The following CNTN5 variants were observed in gnomAD, a reference collection of about 807,000 sequenced individuals.
CNTN5 encodes the protein contactin 5, also known as contactin-5.
A neutral mutation model predicts 129.1 loss-of-function variants in CNTN5; 77 were observed. The observed-to-expected ratio is 0.60, with a 90% CI of 0.50 to 0.72. The LOEUF (loss-of-function observed/expected upper bound fraction) is 0.72. Among genes scored for constraint, CNTN5 ranks in the 30% least tolerant of loss-of-function variants. The probability of loss-of-function intolerance (pLI) is 0.00; values close to 1 mark genes in which losing one functional copy is unlikely to be tolerated. For missense variants in CNTN5, 1,478 were observed against 1,328.8 expected, an observed-to-expected ratio of 1.11 and a Z score of -1.75; for synonymous variants, 509 against 465.6, an observed-to-expected ratio of 1.09 and a Z score of -1.20.
At chr11:99,392,674 A>G (rs1194430322) in intron 2 of CNTN5, among the ~76,000 whole-genome samples, 1 of 151,918 alleles carries the variant, frequency 6.6e-6, no homozygotes, top group East Asian at 1.9e-4. Context: ...CAATCCAGAG[A>G]CCACCTAAAA....
chr11:99,880,547 T>G (rs1180828739), intron 6 of CNTN5, among the ~76,000 whole-genome samples: 2 of 152,158 alleles, frequency 1.3e-5, no homozygotes, highest in Non-Finnish European at 2.9e-5. Flanking sequence ...AATCCTTATT[T>G]CATGCCACAA....
intron 2 of CNTN5, among the ~76,000 whole-genome samples, chr11:99,508,333 T>A (rs1214318021): frequency 6.6e-6 from 1 of 152,220 alleles, no homozygotes; most frequent in Non-Finnish European, 1.5e-5. Context: ...TGGGTAATAT[T>A]TTAAAATATT....
intron 2 of CNTN5, among the ~76,000 whole-genome samples, chr11:99,508,686 C>CTTTCTTTT (rs11281160): frequency 2.0e-5 from 3 of 146,860 alleles, no homozygotes; most frequent in South Asian, 2.2e-4. Context: ...TCTTTTCTTT[C>CTTTCTTTT]TTTTTTTTTT....
At chr11:99,462,838 A>G (rs1016542780) in intron 2 of CNTN5, among the ~76,000 whole-genome samples, 1 of 152,114 alleles carries the variant, frequency 6.6e-6, no homozygotes, top group Non-Finnish European at 1.5e-5. Flanking sequence ...TAATCCCTGT[A>G]CTTTGTGACG....
intron 1 of CNTN5, among the ~76,000 whole-genome samples, chr11:99,275,304 T>A (rs1359850024): frequency 6.6e-6 from 1 of 151,516 alleles, no homozygotes; most frequent in Admixed American, 6.6e-5. Flanking sequence ...TAAAGTAGTC[T>A]TTTCTGTGTG....
chr11:99,863,320 C>T (rs1948265358), intron 6 of CNTN5, among the ~76,000 whole-genome samples: 2 of 152,042 alleles, frequency 1.3e-5, no homozygotes, highest in Admixed American at 6.6e-5. Flanking sequence ...TTAGTATAGT[C>T]GTAGGACACA....
chr11:99,371,295 AC>A (rs1939806788), intron 2 of CNTN5, among the ~76,000 whole-genome samples: 1 of 151,952 alleles, frequency 6.6e-6, no homozygotes, highest in Non-Finnish European at 1.5e-5. Flanking sequence ...TTATATACAC[AC>A]AACTTAAAAA....
intron 1 of CNTN5, among the ~76,000 whole-genome samples, chr11:99,043,498 A>G (rs1864089424): frequency 6.6e-6 from 1 of 152,166 alleles, no homozygotes; most frequent in Non-Finnish European, 1.5e-5. Flanking sequence ...TAACCGAATA[A>G]CAGTAGAATA....
chr11:99,334,790 A>T (rs1236749364), intron 2 of CNTN5, among the ~76,000 whole-genome samples: 1 of 151,958 alleles, frequency 6.6e-6, no homozygotes. Flanking sequence ...ATAATATTTT[A>T]GATATATTGG....
At chr11:99,426,543 T>C (rs571640661) in intron 2 of CNTN5, among the ~76,000 whole-genome samples, 92 of 152,360 alleles carry the variant, frequency 6.0e-4, no homozygotes, top group African/African-American at 2.2e-3. Context: ...TACAATTTTT[T>C]TAATTAAAGA....
chr11:99,415,242 G>C (rs970124881), intron 2 of CNTN5, among the ~76,000 whole-genome samples: 1 of 152,058 alleles, frequency 6.6e-6, no homozygotes, highest in Non-Finnish European at 1.5e-5. Flanking sequence ...ATAACCTAAA[G>C]GTACATGGGA....
At chr11:99,209,827 G>C (rs528991206) in intron 1 of CNTN5, among the ~76,000 whole-genome samples, 4 of 151,930 alleles carry the variant, frequency 2.6e-5, no homozygotes, top group African/African-American at 9.7e-5. Context: ...ACCTAACTTC[G>C]GACTTAGTGC....
intron 2 of CNTN5, among the ~76,000 whole-genome samples, chr11:99,364,445 C>T (rs550089204): frequency 6.6e-6 from 1 of 152,126 alleles, no homozygotes; most frequent in South Asian, 2.1e-4. Context: ...TTAAGCTTAC[C>T]TCCTTGCTAA....
intron 3 of CNTN5, among the ~76,000 whole-genome samples, chr11:99,599,122 C>T (rs1057205643): frequency 2.7e-5 from 4 of 150,942 alleles, no homozygotes; most frequent in African/African-American, 9.7e-5. Context: ...ATATTGTATC[C>T]TCATAATATA....
At chr11:99,618,233 CAT>C (rs1167713838) in intron 3 of CNTN5, among the ~76,000 whole-genome samples, 6 of 152,100 alleles carry the variant, frequency 3.9e-5, no homozygotes, top group Admixed American at 2.0e-4. Context: ...GATTATAAAA[CAT>C]GTATTGATTC....
intron 3 of CNTN5, among the ~76,000 whole-genome samples, chr11:99,725,485 C>T (rs2135056777): frequency 6.6e-6 from 1 of 151,790 alleles, no homozygotes; most frequent in South Asian, 2.1e-4. Flanking sequence ...TGATCCAATA[C>T]AGAAGTGTTT....
chr11:100,174,097 T>C (rs1020950217), intron 13 of CNTN5, among the ~76,000 whole-genome samples: 4 of 151,996 alleles, frequency 2.6e-5, no homozygotes, highest in Admixed American at 6.6e-5. Context: ...CCAAAAGGGA[T>C]AGAAAAATGG....
At chr11:99,300,164 G>T (rs771670071) in intron 1 of CNTN5, among the ~76,000 whole-genome samples, 1 of 152,054 alleles carries the variant, frequency 6.6e-6, no homozygotes, top group Non-Finnish European at 1.5e-5. Context: ...TGTTGAATAG[G>T]AGTGGTGAAA....
intron 20 of CNTN5, among the ~76,000 whole-genome samples, chr11:100,305,258 A>C (rs999676284): frequency 6.6e-6 from 1 of 151,590 alleles, no homozygotes; most frequent in Non-Finnish European, 1.5e-5. Flanking sequence ...GCATGGATTT[A>C]AAACAGGTCC....
Sources: gnomAD v4.1 joint callset for allele counts (sites outside exome capture counted in the v4.1 genomes callset) on GRCh38, gnomAD v4.1.1 for gene constraint, MANE v1.5 for transcripts, NCBI Gene and HGNC (gene_info 2026-07-23, HGNC 2026-07-21) for gene names.